Variants in NR3C2 observed in about 807,000 individuals in gnomAD.
NR3C2 encodes mineralocorticoid receptor.
Under a neutral mutation model 86.4 loss-of-function variants are expected in NR3C2, and 15 were observed. That is an observed-to-expected ratio of 0.17 (90% CI 0.12 to 0.27). The LOEUF (loss-of-function observed/expected upper bound fraction) is 0.27, where lower values mean the gene tolerates loss of function less well. NR3C2 is among the 10% of genes least tolerant of loss of function. The pLI, the probability that NR3C2 is intolerant of heterozygous loss-of-function variation, is 1.00. For synonymous variants in NR3C2, 458 were observed against 450.5 expected (o/e 1.02, Z -0.21); for missense variants, 960 against 1,195.6 (o/e 0.80, Z 2.91).
At chr4:148,135,666 T>G (rs1202885318) in intron 6 of NR3C2, among the ~76,000 whole-genome samples, 2 of 149,952 alleles carry the variant, frequency 1.3e-5, no homozygotes, top group African/African-American at 2.5e-5. Context: ...TCACTGATTT[T>G]AAGACCAAGA....
chr4:148,165,480 AGTCT>A (rs1734839240), intron 4 of NR3C2, among the ~76,000 whole-genome samples: 1 of 152,156 alleles, frequency 6.6e-6, no homozygotes, highest in African/African-American at 2.4e-5. Flanking sequence ...TTAGTTCAAC[AGTCT>A]TTCTGTGAAA....
chr4:148,414,379 C>A (rs1748893086), intron 2 of NR3C2, among the ~76,000 whole-genome samples: 1 of 152,024 alleles, frequency 6.6e-6, no homozygotes, highest in South Asian at 2.1e-4. Context: ...AAGATCTGAA[C>A]CCAATGAAAA....
At chr4:148,104,163 G>A (rs1390931642) in intron 8 of NR3C2, among the ~76,000 whole-genome samples, 2 of 152,104 alleles carry the variant, frequency 1.3e-5, no homozygotes, top group Non-Finnish European at 2.9e-5. Context: ...ACCTCTCACT[G>A]TAAGCCCTTA....
intron 2 of NR3C2, among the ~76,000 whole-genome samples, chr4:148,311,377 C>T (rs2149936624): frequency 6.6e-6 from 1 of 152,276 alleles, no homozygotes; most frequent in East Asian, 1.9e-4. Flanking sequence ...GCAATCTTCC[C>T]CATCTGGGTT....
At chr4:148,370,543 T>C (rs951745351) in intron 2 of NR3C2, among the ~76,000 whole-genome samples, 18 of 152,174 alleles carry the variant, frequency 1.2e-4, no homozygotes, top group African/African-American at 3.9e-4. Flanking sequence ...TGTCTACATA[T>C]GAAAGAAACA....
chr4:148,420,303 G>A (rs938384218), intron 2 of NR3C2, among the ~76,000 whole-genome samples: 1 of 152,182 alleles, frequency 6.6e-6, no homozygotes, highest in Non-Finnish European at 1.5e-5. Flanking sequence ...AACCAAGCCT[G>A]AGGTGTACTT....
intron 4 of NR3C2, among the ~76,000 whole-genome samples, chr4:148,162,815 T>C (rs1279968328): frequency 2.0e-5 from 3 of 152,070 alleles, no homozygotes; most frequent in Non-Finnish European, 4.4e-5. Context: ...GCCTGACAAC[T>C]CCTACTTGGG....
At chr4:148,365,253 G>A (rs1746053446) in intron 2 of NR3C2, among the ~76,000 whole-genome samples, 1 of 152,168 alleles carries the variant, frequency 6.6e-6, no homozygotes, top group East Asian at 1.9e-4. Flanking sequence ...ACTGTGTTGG[G>A]GACCTGCATT....
At chr4:148,120,376 T>G (rs1258989111) in intron 6 of NR3C2, 88 bp from the exon 7 acceptor site, 8 of 1,518,024 alleles carry the variant, frequency 5.3e-6, no homozygotes, top group Admixed American at 3.4e-5. Context: ...ATAAGAGATC[T>G]GAGTCAGAAT....
intron 6 of NR3C2, among the ~76,000 whole-genome samples, chr4:148,147,923 G>C (rs558760674): frequency 1.3e-5 from 2 of 152,152 alleles, no homozygotes; most frequent in Admixed American, 1.3e-4. Flanking sequence ...TAGGGCAGTC[G>C]CATCTCCTTT....
chr4:148,360,709 C>T (rs1454415296), intron 2 of NR3C2, among the ~76,000 whole-genome samples: 2 of 152,130 alleles, frequency 1.3e-5, no homozygotes, highest in Non-Finnish European at 2.9e-5. Flanking sequence ...TTCCAATTCA[C>T]AGAGTAATTA....
chr4:148,154,831 TG>T lies in NR3C2; in HGVS notation c.2084del (p.Pro695HisfsTer78). 1 of 431,474 alleles carries T rather than the reference TG, an allele frequency of 2.3e-6. No homozygotes were observed. The allele number at this position is 431,474 out of a possible 1,614,324, so 26.7% of individuals were successfully genotyped here. A position where few individuals can be genotyped will look rare whatever the true frequency, so the allele number is the denominator to read the frequency against. On this transcript the variant is annotated frameshift_variant, in exon 5 of 9. Transcript: ENST00000358102. LOFTEE classifies it high-confidence loss of function. ...HEEQPQQQQP[P>X]PPPPPPQSPE... ...GGCTTTGCGGGGGTGGGGGTGGGGG[TG>T]GGGGCTGCTGCTGCTGTGGCTGCTC... is the stretch of plus-strand genomic sequence containing the variant.
chr4:148,273,565 A>G (rs1019289566), intron 2 of NR3C2, among the ~76,000 whole-genome samples: 4 of 152,166 alleles, frequency 2.6e-5, no homozygotes, highest in Admixed American at 6.5e-5. Context: ...ACTGAAATAT[A>G]ATTTTCAAAG....
At chr4:148,129,347 G>A (rs1038929325) in intron 6 of NR3C2, among the ~76,000 whole-genome samples, 2 of 152,158 alleles carry the variant, frequency 1.3e-5, no homozygotes, top group African/African-American at 4.8e-5. Context: ...GTAAAACGGT[G>A]GTTACCAGGG....
At chr4:148,431,536 G>A (rs577498785) in intron 2 of NR3C2, among the ~76,000 whole-genome samples, 4 of 152,164 alleles carry the variant, frequency 2.6e-5, no homozygotes, top group East Asian at 3.9e-4. Context: ...TAGGTCCGGC[G>A]TCCATTCTAA....
intron 2 of NR3C2, among the ~76,000 whole-genome samples, chr4:148,389,709 C>T (rs1271943971): frequency 6.6e-6 from 1 of 151,762 alleles, no homozygotes; most frequent in Non-Finnish European, 1.5e-5. Flanking sequence ...AAAAATATAT[C>T]TTATATCTTC....
chr4:148,115,485 T>C (rs1732233133), intron 7 of NR3C2, among the ~76,000 whole-genome samples: 1 of 152,246 alleles, frequency 6.6e-6, no homozygotes, highest in Non-Finnish European at 1.5e-5. Context: ...GAAACTGCTC[T>C]TACTTTCACT....
rs573014261 is a variant in NR3C2 at position 148,130,290 on chromosome 4, G to A, written c.2511-10002C>T. Among the ~76,000 whole-genome samples, 5 of 152,152 alleles carry A rather than the reference G, an allele frequency of 3.3e-5. No homozygotes were observed. In the South Asian group the frequency reaches 8.3e-4, roughly 25 times the overall value. On this transcript the variant is annotated intron_variant, in intron 6 of 8. Coordinates refer to ENST00000358102, the MANE Select transcript of NR3C2 (RefSeq NM_000901.5). ...TAAATGTAATCCTTTCACATCAGCCGATTTTATAAATGCCAAAGCACAAAA... is the reference window on the plus strand; with the variant it reads ...TAAATGTAATCCTTTCACATCAGCCAATTTTATAAATGCCAAAGCACAAAA...
intron 2 of NR3C2, among the ~76,000 whole-genome samples, chr4:148,376,145 C>CAAAAA (rs70962716): frequency 1.8e-4 from 19 of 105,826 alleles, no homozygotes; most frequent in South Asian, 3.4e-4. Context: ...AGGAGTAAGG[C>CAAAAA]AAAAAAAAAA....
Sources: gnomAD v4.1 joint callset for allele counts (sites outside exome capture counted in the v4.1 genomes callset) on GRCh38, gnomAD v4.1.1 for gene constraint, MANE v1.5 for transcripts, NCBI Gene and HGNC (gene_info 2026-07-23, HGNC 2026-07-21) for gene names.